Variants in LMX1A observed in about 807,000 individuals in gnomAD.
LMX1A encodes LIM homeobox transcription factor 1-alpha.
In LMX1A, 15 loss-of-function variants were observed where a neutral mutation model predicts 49.1. The observed-to-expected ratio is 0.31, with a 90% confidence interval of 0.20 to 0.47. The LOEUF is 0.47. Ranked by LOEUF, LMX1A falls within the 20% of genes least tolerant of loss-of-function variation. The pLI, the probability that LMX1A is intolerant of heterozygous loss-of-function variation, is 1.00. For synonymous variants in LMX1A, 167 were observed against 185.7 expected, an observed-to-expected ratio of 0.90 and a Z score of 0.82; for missense variants, 372 against 475.8, an observed-to-expected ratio of 0.78 and a Z score of 2.03.
intron 3 of LMX1A, among the ~76,000 whole-genome samples, chr1:165,298,326 A>AGCTGAAAGGCTTGCAGG (rs1654677748): frequency 6.6e-6 from 1 of 152,232 alleles, no homozygotes; most frequent in Non-Finnish European, 1.5e-5. Flanking sequence ...GCAACTTTTC[A>AGCTGAAAGGCTTGCAGG]GCTGAAAGGC....
At chr1:165,303,844 G>A (rs975043489) in intron 3 of LMX1A, among the ~76,000 whole-genome samples, 2 of 151,888 alleles carry the variant, frequency 1.3e-5, no homozygotes, top group African/African-American at 4.8e-5. Context: ...AGGCTGGGGT[G>A]GACTTTAAAG....
intron 4 of LMX1A, among the ~76,000 whole-genome samples, chr1:165,214,025 A>G (rs1651540998): frequency 6.6e-6 from 1 of 152,200 alleles, no homozygotes. Context: ...GTCCACCATT[A>G]CACTTCAGGC....
At chr1:165,227,553 G>A (rs61800531) in intron 4 of LMX1A, among the ~76,000 whole-genome samples, 18,300 of 150,686 alleles carry the variant, frequency 0.12, 1,208 homozygotes, top group Non-Finnish European at 0.15. Flanking sequence ...TAATACATAC[G>A]TACATACATA....
At chr1:165,340,815 C>A (rs962055814) in intron 3 of LMX1A, among the ~76,000 whole-genome samples, 4 of 152,168 alleles carry the variant, frequency 2.6e-5, no homozygotes, top group Non-Finnish European at 5.9e-5. Context: ...ATGTAACAGT[C>A]CACCTTGTCC....
chr1:165,343,678 T>C (rs1309970848), intron 3 of LMX1A, among the ~76,000 whole-genome samples: 1 of 152,114 alleles, frequency 6.6e-6, no homozygotes, highest in South Asian at 2.1e-4. Context: ...TATGGGTTTT[T>C]GAAATGGAAG....
At chr1:165,275,831 G>C (rs1312379512) in intron 3 of LMX1A, among the ~76,000 whole-genome samples, 1 of 145,420 alleles carries the variant, frequency 6.9e-6, no homozygotes, top group African/African-American at 2.6e-5. Flanking sequence ...CTTTTATGGC[G>C]CTGGGGTGTG....
At chr1:165,226,839 G>A (rs1652054118) in intron 4 of LMX1A, among the ~76,000 whole-genome samples, 1 of 152,156 alleles carries the variant, frequency 6.6e-6, no homozygotes, top group Non-Finnish European at 1.5e-5. Context: ...ATATTTTTTA[G>A]TATGCAGAGG....
intron 3 of LMX1A, among the ~76,000 whole-genome samples, chr1:165,303,390 G>T (rs1314711535): frequency 2.0e-5 from 3 of 152,202 alleles, no homozygotes; most frequent in Admixed American, 2.0e-4. Context: ...TGTGCTGGGG[G>T]CTGGGAACGC....
intron 3 of LMX1A, among the ~76,000 whole-genome samples, chr1:165,270,516 G>A (rs1331893972): frequency 6.6e-6 from 1 of 152,214 alleles, no homozygotes; most frequent in African/African-American, 2.4e-5. Flanking sequence ...ACCCTAGAAT[G>A]AGCAAGGGTG....
intron 3 of LMX1A, among the ~76,000 whole-genome samples, chr1:165,336,834 A>T (rs1249920131): frequency 6.6e-6 from 1 of 152,184 alleles, no homozygotes; most frequent in Non-Finnish European, 1.5e-5. Context: ...ATTCATGGAG[A>T]TTAAAATCTG....
At position 165,355,224 on chromosome 1, in the gene LMX1A, G is replaced by T. The variant is rs1398418142; in HGVS notation, c.76+260C>A. On this transcript the variant is annotated intron_variant, in intron 2 of 8. Coordinates refer to ENST00000342310, the MANE Select transcript of LMX1A (RefSeq NM_177398.4). The surrounding 1 kb of genome is among the most constrained non-coding windows in gnomAD (Gnocchi z 4.7). ...ATTTTTAATCACTTGCCACTCAGAC[G>T]CCTACGAACAAGCTCGCCCGCCCCT... Among the ~76,000 whole-genome samples the T allele has an allele frequency of 6.6e-6, 1 of 152,114 alleles. No homozygotes were observed. The highest frequency in any genetic ancestry group is 1.5e-5 in the Non-Finnish European group (1 of 68,024).
intron 3 of LMX1A, among the ~76,000 whole-genome samples, chr1:165,330,778 A>G (rs960311489): frequency 1.3e-5 from 2 of 152,232 alleles, no homozygotes; most frequent in African/African-American, 4.8e-5. Flanking sequence ...TCTGGGGTAA[A>G]CACAGCAGCT....
chr1:165,226,367 G>C (rs1260243906), intron 4 of LMX1A, among the ~76,000 whole-genome samples: 2 of 152,172 alleles, frequency 1.3e-5, no homozygotes, highest in Non-Finnish European at 2.9e-5. Context: ...ATGCTGAACA[G>C]CCCTTCTGTT....
chr1:165,217,342 G>C (rs1022063687), intron 4 of LMX1A, among the ~76,000 whole-genome samples: 1 of 152,154 alleles, frequency 6.6e-6, no homozygotes. Context: ...CCTGGGACAT[G>C]TGTACATCCC....
chr1:165,338,077 A>T (rs1451734363), intron 3 of LMX1A, among the ~76,000 whole-genome samples: 5 of 152,176 alleles, frequency 3.3e-5, no homozygotes, highest in Non-Finnish European at 7.3e-5. Flanking sequence ...CCTAAGAACG[A>T]ATAAGTACTA....
At chr1:165,218,313 C>T (rs1651715319) in intron 4 of LMX1A, 1 of 152,250 alleles carries the variant, frequency 6.6e-6, no homozygotes, top group South Asian at 2.1e-4. Flanking sequence ...AGAAATGCCA[C>T]TACCCAACAG....
intron 3 of LMX1A, among the ~76,000 whole-genome samples, chr1:165,330,911 A>T (rs2101752300): frequency 6.6e-6 from 1 of 152,354 alleles, no homozygotes; most frequent in Admixed American, 6.5e-5. Flanking sequence ...AGTCCAATTC[A>T]GGATCAAAGA....
rs763718437 is a variant in LMX1A at position 165,206,023 on chromosome 1, C to T, written c.829G>A (p.Gly277Ser). 2.0e-5 allele frequency: 32 copies of T among 1,561,968 alleles called. No individual in the cohort carries two copies. Among genetic ancestry groups the T allele is most frequent in the East Asian group, 2.3e-5 (1 of 42,770 alleles). ...TQRLSSAQTN[G>S]GGSAGMEGIM... is the part of the protein sequence containing the mutation. ...CCTTCCATCCCAGCACTCCCACCAC[C>T]GTTTGTCTGAGCTGTGGAACAAAGA... is the stretch of plus-strand genomic sequence containing the variant. The change falls in exon 8 of 9, where the codon GGT (glycine) becomes AGT (serine). Residue 277 changes from glycine to serine, a missense_variant. This residue lies in a region of LMX1A where 127 missense variants were observed against 138.0 expected (regional missense o/e 0.92). Transcript: ENST00000342310.
chr1:165,275,845 G>GTA (rs1356110497), intron 3 of LMX1A, among the ~76,000 whole-genome samples: 1 of 93,176 alleles, frequency 1.1e-5, no homozygotes, highest in Non-Finnish European at 2.5e-5. Flanking sequence ...GGGTGTGTGT[G>GTA]TATGTGTGTG....
Sources: allele counts gnomAD v4.1 joint callset (sites outside exome capture counted in the v4.1 genomes callset), GRCh38; gene constraint gnomAD v4.1.1; regional missense constraint gnomAD v4.1.1; non-coding constraint Gnocchi (gnomAD v3.1); transcripts MANE v1.5; gene names NCBI Gene and HGNC (gene_info 2026-07-23, HGNC 2026-07-21).